TTC27: variants seen among roughly 807,000 people sequenced by gnomAD.
TTC27 encodes tetratricopeptide repeat domain 27.
A neutral mutation model predicts 115.9 loss-of-function variants in TTC27; 79 were observed. The ratio of observed to expected loss-of-function variants is 0.68; its 90% CI spans 0.57 to 0.82. The LOEUF (loss-of-function observed/expected upper bound fraction) is 0.82. TTC27 is among the 40% of genes least tolerant of loss of function. The probability of loss-of-function intolerance (pLI) is 0.00; values close to 1 mark genes in which losing one functional copy is unlikely to be tolerated. For missense variants in TTC27, 1,054 were observed against 993.1 expected (o/e 1.06, Z -0.82); for synonymous variants, 401 against 356.0 (o/e 1.13, Z -1.42).
intron 16 of TTC27, among the ~76,000 whole-genome samples, chr2:32,790,270 AT>A (rs879750990): frequency 2.6e-4 from 39 of 150,698 alleles, no homozygotes; most frequent in Non-Finnish European, 4.6e-4. Flanking sequence ...TTGCCATTAA[AT>A]TTTTTTTTTG....
intron 9 of TTC27, among the ~76,000 whole-genome samples, chr2:32,682,063 A>G (rs994933748): frequency 2.0e-5 from 3 of 150,720 alleles, no homozygotes; most frequent in Non-Finnish European, 4.4e-5. Flanking sequence ...ACTCAGTTTT[A>G]GAGACTGGGC....
At chr2:32,680,181 A>T (rs72858160) in intron 9 of TTC27, among the ~76,000 whole-genome samples, 3 of 151,992 alleles carry the variant, frequency 2.0e-5, no homozygotes, top group African/African-American at 7.3e-5. Flanking sequence ...TCATCATATT[A>T]TGTGTGTTTT....
intron 13 of TTC27, 62 bp downstream of exon 13, chr2:32,758,581 TACAGAATGAG>T (rs1669326620): frequency 6.7e-7 from 1 of 1,490,200 alleles, no homozygotes; most frequent in Admixed American, 1.8e-5. Context: ...GATTTGATCT[TACAGAATGAG>T]TACCCATTTT....
chr2:32,629,807 T>C (rs1664105653), intron 1 of TTC27, among the ~76,000 whole-genome samples: 1 of 152,158 alleles, frequency 6.6e-6, no homozygotes, highest in Admixed American at 6.6e-5. Flanking sequence ...AAAAGGCACA[T>C]GCACTGGCAC....
At chr2:32,670,775 G>A (rs932013575) in intron 7 of TTC27, among the ~76,000 whole-genome samples, 1 of 152,000 alleles carries the variant, frequency 6.6e-6, no homozygotes, top group African/African-American at 2.4e-5. Context: ...ACGCCACCAT[G>A]CCTGGCTAAT....
At chr2:32,790,347 G>GT (rs1406064900) in intron 16 of TTC27, among the ~76,000 whole-genome samples, 2 of 151,320 alleles carry the variant, frequency 1.3e-5, no homozygotes, top group Admixed American at 1.3e-4. Context: ...AAATTTTTCT[G>GT]TTTTTTCCTC....
intron 15 of TTC27, among the ~76,000 whole-genome samples, chr2:32,784,140 T>G (rs1670272342): frequency 1.3e-5 from 2 of 152,136 alleles, no homozygotes; most frequent in African/African-American, 4.8e-5. Flanking sequence ...CTCAGTGAGT[T>G]TTTCTGGCAA....
At chr2:32,711,267 TCCACTACCTGTAGAA>T (rs1216300898) in intron 10 of TTC27, among the ~76,000 whole-genome samples, 1 of 152,208 alleles carries the variant, frequency 6.6e-6, no homozygotes, top group Non-Finnish European at 1.5e-5. Flanking sequence ...AGTTGCGTAG[TCCACTACCTGTAGAA>T]CAGAATTAGA....
chr2:32,811,980 T>G (rs529148695), intron 17 of TTC27, among the ~76,000 whole-genome samples: 7 of 152,212 alleles, frequency 4.6e-5, no homozygotes, highest in Non-Finnish European at 8.8e-5. Flanking sequence ...GTGTATCACC[T>G]GCACACATGC....
At chr2:32,709,468 A>G (rs1476935627) in intron 10 of TTC27, among the ~76,000 whole-genome samples, 1 of 152,206 alleles carries the variant, frequency 6.6e-6, no homozygotes, top group East Asian at 1.9e-4. Flanking sequence ...CATATACGTA[A>G]TGAGATATTT....
Position 32,741,497 on chromosome 2 carries a change from A to C in TTC27, c.1452+4681A>C, listed in dbSNP as rs138558693. Among the ~76,000 whole-genome samples the C allele has an allele frequency of 9.2e-3, 1,396 of 151,994 alleles. 12 individuals are homozygous for C. The highest frequency in any genetic ancestry group is 0.024 in the Middle Eastern group (7 of 294). ...TCTCTACTAAAAATACAAAAAAAAAAAAAAATTAACCGGACGTGGTGGCAT... is the reference window on the plus strand; with the variant it reads ...TCTCTACTAAAAATACAAAAAAAAACAAAAATTAACCGGACGTGGTGGCAT... On this transcript the variant is annotated intron_variant, in intron 12 of 19. Transcript: ENST00000317907.
chr2:32,664,835 C>CT lies in TTC27; in HGVS notation c.805+383dup, dbSNP rs1233866120. Among the ~76,000 whole-genome samples, 958 of 136,966 alleles carry CT rather than the reference C, an allele frequency of 7.0e-3. 2 individuals carry two copies. The highest frequency in any genetic ancestry group is 0.016 in the African/African-American group (598 of 37,510). The allele number at this position is 136,966 out of a possible 152,430, so 89.9% of individuals were successfully genotyped here. A position where few individuals can be genotyped will look rare whatever the true frequency, so the allele number is the denominator to read the frequency against. Reference sequence around the variant, plus strand: ...ATACCCACCTATTCTTTCCATCTTGCTTTTTTTTTTTTTTTGAGACCGAGT... The same window carrying CT: ...ATACCCACCTATTCTTTCCATCTTGCTTTTTTTTTTTTTTTTGAGACCGAGT... On this transcript the variant is annotated intron_variant, in intron 6 of 19. Coordinates refer to ENST00000317907, the MANE Select transcript of TTC27 (RefSeq NM_017735.5).
intron 11 of TTC27, among the ~76,000 whole-genome samples, chr2:32,735,660 T>G (rs992520138): frequency 6.6e-6 from 1 of 152,212 alleles, no homozygotes; most frequent in Admixed American, 6.5e-5. Context: ...AGTCTCTACT[T>G]TGCTACTAAC....
chr2:32,631,973 C>T (rs1219429743), intron 2 of TTC27, among the ~76,000 whole-genome samples: 1 of 151,386 alleles, frequency 6.6e-6, no homozygotes, highest in Non-Finnish European at 1.5e-5. Context: ...ACACCTGGCT[C>T]ATTTTTTTTG....
chr2:32,727,280 T>TCTTC (rs1668143047), intron 10 of TTC27, among the ~76,000 whole-genome samples: 2 of 152,230 alleles, frequency 1.3e-5, no homozygotes, highest in Non-Finnish European at 2.9e-5. Context: ...GTGAAATGTG[T>TCTTC]CCACATTGGG....
rs1559211219 is a variant in TTC27 at position 32,698,459 on chromosome 2, T to TTATTATTATTATTATTATTA, written c.1120-4347_1120-4346insATTATTATTATTATTATTAT. 2.1e-4 allele frequency among the ~76,000 whole-genome samples: 20 copies of TTATTATTATTATTATTATTA among 97,030 alleles called. No homozygotes were observed. In the East Asian group the frequency reaches 5.4e-3, roughly 26 times the overall value. 63.7% of individuals were successfully genotyped at this position (97,030 alleles called of 152,430 possible). On this transcript the variant is annotated intron_variant, in intron 9 of 19. Transcript: ENST00000317907. ...AGTTATTATTATTATTATTATTATT[T>TTATTATTATTATTATTATTA]TTTAGCATTTGGAACATGTTGTCTT...
chr2:32,732,268 G>A (rs1348647455), intron 10 of TTC27, among the ~76,000 whole-genome samples: 2 of 152,184 alleles, frequency 1.3e-5, no homozygotes, highest in Non-Finnish European at 2.9e-5. Context: ...TATGAAGTGA[G>A]GCCAGAAAGC....
chr2:32,812,801 AAGAAGAAGAAACAGG>A (rs1671361718), intron 18 of TTC27, among the ~76,000 whole-genome samples, 186 bp downstream of exon 18: 1 of 152,254 alleles, frequency 6.6e-6, no homozygotes, highest in Middle Eastern at 3.2e-3. Flanking sequence ...ATTTTGAAAT[AAGAAGAAGAAACAGG>A]ATAGAGGCTT....
chr2:32,716,869 T>G (rs892824933), intron 10 of TTC27, among the ~76,000 whole-genome samples: 1 of 151,756 alleles, frequency 6.6e-6, no homozygotes, highest in Middle Eastern at 3.2e-3. Flanking sequence ...AATTTTTAAG[T>G]TTTTTGTAGA....
Sources: gnomAD v4.1 joint callset for allele counts (sites outside exome capture counted in the v4.1 genomes callset) on GRCh38, gnomAD v4.1.1 for gene constraint, MANE v1.5 for transcripts, NCBI Gene and HGNC (gene_info 2026-07-23, HGNC 2026-07-21) for gene names.